PPP2R1B: variants seen among roughly 807,000 people sequenced by gnomAD.
PPP2R1B encodes the protein protein phosphatase 2 scaffold subunit Abeta.
PPP2R1B carries 58 observed loss-of-function variants against 72.7 expected under a neutral mutation model. That is an observed-to-expected ratio of 0.80 (90% confidence interval 0.65 to 0.99). The LOEUF (loss-of-function observed/expected upper bound fraction) is 0.99. Ranked by LOEUF, PPP2R1B falls within the 50% of genes least tolerant of loss-of-function variation. The probability of loss-of-function intolerance (pLI) is 0.00; values close to 1 mark genes in which losing one functional copy is unlikely to be tolerated. For synonymous variants in PPP2R1B, 256 were observed against 264.6 expected (o/e 0.97, Z 0.32); for missense variants, 695 against 733.6 (o/e 0.95, Z 0.61).
chr11:111,689,404 CA>C, the PPP2R1B span, among the ~76,000 whole-genome samples: 1 of 152,050 alleles, frequency 6.6e-6, no homozygotes, highest in African/African-American at 2.4e-5. Context: ...AGGTGGAAGA[CA>C]GGAAGACTAA....
chr11:111,699,321 C>A, the PPP2R1B span, among the ~76,000 whole-genome samples: 1 of 152,180 alleles, frequency 6.6e-6, no homozygotes, highest in African/African-American at 2.4e-5. Flanking sequence ...TAAACTTTTT[C>A]TACCCCTCCT....
Position 111,760,954 on chromosome 11 carries a change from G to GC in PPP2R1B, c.403dup (p.Ala135GlyfsTer41), listed in dbSNP as rs1555051193. 6.2e-7 allele frequency: 1 copy of GC among 1,614,186 alleles called. No individual in the cohort carries two copies. The highest frequency in any genetic ancestry group is 1.1e-5 in the South Asian group (1 of 91,082). On this transcript the variant is annotated frameshift_variant, in exon 4 of 15. Transcript: ENST00000527614. LOFTEE classifies it high-confidence loss of function. ...CAGAGGTACAAAATAAGCTTCCAGA[G>GC]CAACAGGAGTATGCTCCTGGGAGAT...
rs922688057 is a variant in PPP2R1B, at chr11:111,744,265, G to A, written c.1400-735C>T. 2.0e-5 allele frequency among the ~76,000 whole-genome samples: 3 copies of A among 152,178 alleles called. No homozygotes were observed. In the East Asian group the frequency reaches 5.8e-4, roughly 29 times the overall value. ...AGCAAGATTATTCCAGCAACATCACGGAGAAGCGACGTTGACTGAGAAAGA... is the reference window on the plus strand; with the variant it reads ...AGCAAGATTATTCCAGCAACATCACAGAGAAGCGACGTTGACTGAGAAAGA... On this transcript the variant is annotated intron_variant, in intron 11 of 14. Transcript: ENST00000527614.
At chr11:111,694,408 G>A in the PPP2R1B span, among the ~76,000 whole-genome samples, 1 of 151,954 alleles carries the variant, frequency 6.6e-6, no homozygotes, top group African/African-American at 2.4e-5. Flanking sequence ...TGTACATCAC[G>A]AGTCACTTGT....
chr11:111,763,255 A>T (rs1945393144), intron 3 of PPP2R1B, among the ~76,000 whole-genome samples: 1 of 152,240 alleles, frequency 6.6e-6, no homozygotes, highest in Non-Finnish European at 1.5e-5. Context: ...AGTTCAAAAA[A>T]CAGAAAGATG....
At chr11:111,728,286 TATTTA>T (rs1362661050) in intron 15 of PPP2R1B, 1 of 78,898 alleles carries the variant, frequency 1.3e-5, no homozygotes, top group Non-Finnish European at 2.5e-5. Context: ...TTCTGGAATT[TATTTA>T]ATTTTTTTTT....
rs1944471684 is a variant in PPP2R1B at position 111,740,212 on chromosome 11, T to C, written c.*1384A>G. 2 of 985,322 alleles carry C rather than the reference T, an allele frequency of 2.0e-6. No homozygotes were observed. The highest frequency in any genetic ancestry group is 2.4e-6 in the Non-Finnish European group (2 of 829,840). 61.0% of individuals were successfully genotyped at this position (985,322 alleles called of 1,614,324 possible). A position where few individuals can be genotyped will look rare whatever the true frequency, so the allele number is the denominator to read the frequency against. On this transcript the variant is annotated 3_prime_UTR_variant, in exon 15 of 15. Transcript: ENST00000527614. The stretch of plus-strand genomic sequence containing the variant: ...TCATGAGACAAGGTGAGTTTGATTA[T>C]GTGAAAAATAGTTGTTTTTTTTTGA...
intron 15 of PPP2R1B, among the ~76,000 whole-genome samples, chr11:111,732,501 G>C (rs1944225235): frequency 6.6e-6 from 1 of 152,168 alleles, no homozygotes; most frequent in African/African-American, 2.4e-5. Flanking sequence ...GACCAGCCTG[G>C]CCAACATGGT....
chr11:111,743,243 TC>T, intron 12 of PPP2R1B, 132 bp downstream of exon 12: 6 of 943,240 alleles, frequency 6.4e-6, no homozygotes, highest in Non-Finnish European at 6.1e-6. Context: ...TTCTCTCATC[TC>T]CTGTCTATTC....
At chr11:111,759,540 G>C (rs1467215054) in intron 5 of PPP2R1B, among the ~76,000 whole-genome samples, 2 of 152,122 alleles carry the variant, frequency 1.3e-5, no homozygotes, top group Admixed American at 6.5e-5. Context: ...TGCAGCTTTG[G>C]TCTTCCTTTC....
At chr11:111,724,192 A>C, downstream of PPP2R1B, 6 of 1,531,472 alleles carry the variant, frequency 3.9e-6, no homozygotes, top group Non-Finnish European at 5.2e-6. Flanking sequence ...TTTTTATTCC[A>C]GCCTTTTAAA....
At chr11:111,734,515 CCA>C (rs1944284909), downstream of PPP2R1B, among the ~76,000 whole-genome samples, 1 of 152,264 alleles carries the variant, frequency 6.6e-6, no homozygotes, top group South Asian at 2.1e-4. Flanking sequence ...CCCCTAGGCC[CCA>C]CAGTGGAGAG....
Position 111,738,747 on chromosome 11 carries a change from C to G in PPP2R1B, c.*2849G>C. The G allele has an allele frequency of 1.0e-6, 1 of 985,448 alleles. No homozygotes were observed. Among genetic ancestry groups the G allele is most frequent in the Non-Finnish European group, 1.2e-6 (1 of 829,952 alleles). 61.0% of individuals were successfully genotyped at this position (985,448 alleles called of 1,614,324 possible). A position where few individuals can be genotyped will look rare whatever the true frequency, so the allele number is the denominator to read the frequency against. Reference sequence around the variant, plus strand: ...AGATGCATCCTCAGGTTCACATCTTCTTGGTAGCACAGAGAGAGAAACAAG... The same window carrying G: ...AGATGCATCCTCAGGTTCACATCTTGTTGGTAGCACAGAGAGAGAAACAAG... On this transcript the variant is annotated 3_prime_UTR_variant, in exon 15 of 15. Transcript: ENST00000527614.
downstream of PPP2R1B, among the ~76,000 whole-genome samples, chr11:111,735,947 T>C (rs1591668853): frequency 2.0e-5 from 3 of 152,110 alleles, no homozygotes. Flanking sequence ...CACCCTCGGG[T>C]CATTTTCCTT....
intron 15 of PPP2R1B, chr11:111,727,267 TG>T (rs1591655834): frequency 5.0e-6 from 3 of 594,406 alleles, no homozygotes; most frequent in Non-Finnish European, 9.0e-6. Context: ...GGAGTGGGGA[TG>T]GGGCTCAGGG....
At chr11:111,744,239 T>C (rs942774989) in intron 11 of PPP2R1B, among the ~76,000 whole-genome samples, 3 of 152,220 alleles carry the variant, frequency 2.0e-5, no homozygotes, top group Admixed American at 2.0e-4. Context: ...TGTGGAATTT[T>C]AGCAAGATTA....
chr11:111,701,646 GCTT>G, the PPP2R1B span: 1 of 1,539,928 alleles, frequency 6.5e-7, no homozygotes, highest in Admixed American at 1.9e-5. The surrounding 1 kb of genome is among the most constrained non-coding windows in gnomAD (Gnocchi z 4.2). Context: ...CTAGGTAAAA[GCTT>G]CTTTTTTTCT....
the PPP2R1B span, among the ~76,000 whole-genome samples, chr11:111,699,947 G>A: frequency 1.3e-5 from 2 of 152,212 alleles, no homozygotes; most frequent in Non-Finnish European, 2.9e-5. Context: ...CTCCAGCTGG[G>A]TGGAGAGCCA....
chr11:111,703,478 T>G, the PPP2R1B span: 2 of 1,489,512 alleles, frequency 1.3e-6, no homozygotes, highest in Non-Finnish European at 1.9e-6. Flanking sequence ...TGAAATTTCA[T>G]GCTCACACCT....
Sources: gnomAD v4.1 joint callset for allele counts (sites outside exome capture counted in the v4.1 genomes callset) on GRCh38, gnomAD v4.1.1 for gene constraint, Gnocchi (gnomAD v3.1) non-coding constraint, MANE v1.5 for transcripts, NCBI Gene and HGNC (gene_info 2026-07-23, HGNC 2026-07-21) for gene names.